The following GRID2 variants were observed in gnomAD, a reference collection of about 807,000 sequenced individuals.
GRID2 encodes glutamate ionotropic receptor delta type subunit 2.
In GRID2, 33 loss-of-function variants were observed where a neutral mutation model predicts 114.8. The observed-to-expected ratio is 0.29, with a 90% confidence interval of 0.22 to 0.38. The LOEUF (loss-of-function observed/expected upper bound fraction) is 0.38, where lower values mean the gene tolerates loss of function less well. Ranked by LOEUF, GRID2 falls within the 10% of genes least tolerant of loss-of-function variation. The pLI is 1.00. For missense variants in GRID2, 1,184 were observed against 1,257.7 expected (o/e 0.94, Z 0.89); for synonymous variants, 505 against 449.9 (o/e 1.12, Z -1.55).
chr4:92,862,315 A>C (rs1292946439), intron 2 of GRID2, among the ~76,000 whole-genome samples: 6 of 152,076 alleles, frequency 3.9e-5, no homozygotes, highest in Non-Finnish European at 1.5e-5. Flanking sequence ...GGCAATTATG[A>C]ATGAAATTCA....
intron 1 of GRID2, among the ~76,000 whole-genome samples, chr4:92,585,599 A>G (rs966725981): frequency 1.3e-5 from 2 of 151,996 alleles, no homozygotes; most frequent in Admixed American, 6.6e-5. Flanking sequence ...TAAGGTTGTT[A>G]TAGAATATGT....
intron 1 of GRID2, among the ~76,000 whole-genome samples, chr4:92,311,729 G>T (rs1257360354): frequency 1.3e-5 from 2 of 151,832 alleles, no homozygotes; most frequent in Non-Finnish European, 2.9e-5. Context: ...AAAGTATATG[G>T]TAATATAAGC....
chr4:93,494,365 G>A (rs1262898417), intron 12 of GRID2, among the ~76,000 whole-genome samples: 2 of 151,454 alleles, frequency 1.3e-5, no homozygotes, highest in African/African-American at 4.8e-5. Context: ...GTCAGTGAAG[G>A]GGAGAGAGAG....
chr4:92,908,898 A>G (rs1014095961), intron 2 of GRID2, among the ~76,000 whole-genome samples: 22 of 152,114 alleles, frequency 1.4e-4, no homozygotes, highest in Admixed American at 6.6e-5. Flanking sequence ...ATCTTCATCA[A>G]TTGTCTTCAA....
At chr4:93,478,849 G>A (rs1580197808) in intron 11 of GRID2, among the ~76,000 whole-genome samples, 1 of 151,924 alleles carries the variant, frequency 6.6e-6, no homozygotes, top group East Asian at 1.9e-4. Context: ...AAGTCTACAG[G>A]AAATTTTCAT....
intron 8 of GRID2, among the ~76,000 whole-genome samples, chr4:93,250,498 A>T (rs1748753610): frequency 1.3e-5 from 2 of 151,804 alleles, no homozygotes; most frequent in Admixed American, 6.6e-5. Flanking sequence ...GCATAAAAAA[A>T]ATAATAATTC....
intron 2 of GRID2, among the ~76,000 whole-genome samples, chr4:92,862,318 G>C (rs1357112262): frequency 6.6e-6 from 1 of 152,036 alleles, no homozygotes; most frequent in East Asian, 1.9e-4. Flanking sequence ...AATTATGAAT[G>C]AAATTCATTA....
intron 1 of GRID2, among the ~76,000 whole-genome samples, chr4:92,378,194 G>C (rs371632619): frequency 1.3e-5 from 2 of 151,520 alleles, no homozygotes; most frequent in Non-Finnish European, 2.9e-5. Flanking sequence ...AAATTTAAGG[G>C]GATTTTAAGT....
chr4:93,478,544 TATTA>T (rs1371931376), intron 11 of GRID2, among the ~76,000 whole-genome samples: 1 of 151,520 alleles, frequency 6.6e-6, no homozygotes, highest in Admixed American at 6.6e-5. Context: ...AAAAGAATTC[TATTA>T]ATTTTAATAG....
Position 93,615,211 on chromosome 4 carries a change from G to C in GRID2, c.2194-11058G>C, listed in dbSNP as rs539353537. 2.6e-5 allele frequency among the ~76,000 whole-genome samples: 4 copies of C among 152,246 alleles called. No homozygotes were observed. The East Asian group carries it at 7.7e-4, about 29-fold the overall frequency. The stretch of plus-strand genomic sequence containing the variant: ...CTCCAAAAAGATGTCCATACTCTTT[G>C]ATTCTACAAGCTTTCTTTTAAAGGC... On this transcript the variant is annotated intron_variant, in intron 13 of 15. Coordinates refer to ENST00000282020, the MANE Select transcript of GRID2 (RefSeq NM_001510.4).
At chr4:93,777,062 GT>G (rs1734384256), downstream of GRID2, among the ~76,000 whole-genome samples, 1 of 152,184 alleles carries the variant, frequency 6.6e-6, no homozygotes, top group African/African-American at 2.4e-5. Context: ...ACAGGATGCA[GT>G]GTGGCCCATA....
At chr4:93,378,642 G>C (rs2149304446) in intron 8 of GRID2, among the ~76,000 whole-genome samples, 1 of 152,190 alleles carries the variant, frequency 6.6e-6, no homozygotes. Context: ...AGGAACTAGA[G>C]ATACTTCTCA....
chr4:92,799,737 C>T (rs912586148), intron 2 of GRID2, among the ~76,000 whole-genome samples: 1 of 151,978 alleles, frequency 6.6e-6, no homozygotes. Flanking sequence ...AAGTCACATT[C>T]TAAAGTACTG....
At chr4:92,694,143 G>C (rs1275609693) in intron 2 of GRID2, among the ~76,000 whole-genome samples, 1 of 152,152 alleles carries the variant, frequency 6.6e-6, no homozygotes, top group East Asian at 1.9e-4. Context: ...GACAAAGCTA[G>C]ACTGAAGAAG....
intron 2 of GRID2, among the ~76,000 whole-genome samples, chr4:92,646,127 G>C (rs1235943501): frequency 3.5e-5 from 1 of 28,316 alleles, no homozygotes; most frequent in Non-Finnish European, 9.5e-5. Flanking sequence ...TTTCGTAATG[G>C]AACGTTTGGG....
intron 8 of GRID2, among the ~76,000 whole-genome samples, chr4:93,368,173 T>C (rs1397786286): frequency 6.6e-6 from 1 of 152,152 alleles, no homozygotes; most frequent in Admixed American, 6.6e-5. Context: ...AGCTACATTT[T>C]ATCCCAACCA....
At chr4:92,424,891 T>C (rs1732081935) in intron 1 of GRID2, among the ~76,000 whole-genome samples, 1 of 151,958 alleles carries the variant, frequency 6.6e-6, no homozygotes, top group Admixed American at 6.6e-5. Flanking sequence ...GAGCTAATAA[T>C]CATTATTAAG....
At position 93,598,358 on chromosome 4, in the gene GRID2, C is replaced by T. The variant is rs115571132; in HGVS notation, c.2194-27911C>T. On this transcript the variant is annotated intron_variant, in intron 13 of 15. Coordinates refer to ENST00000282020, the MANE Select transcript of GRID2 (RefSeq NM_001510.4). ...CTCTTTCTTTTCATTCTTTATCTCT[C>T]TTTCCCTCGTTCACTCATTCCTTCT... 5.7e-3 allele frequency among the ~76,000 whole-genome samples: 863 copies of T among 152,240 alleles called. 12 individuals are homozygous for T. Among genetic ancestry groups the T allele is most frequent in the African/African-American group, 0.019 (794 of 41,556 alleles).
intron 2 of GRID2, among the ~76,000 whole-genome samples, chr4:92,755,675 G>T (rs1028293604): frequency 1.3e-5 from 2 of 152,116 alleles, no homozygotes; most frequent in Non-Finnish European, 1.5e-5. Context: ...AGGCAGTATG[G>T]ATAAAACAGA....
Sources: gnomAD v4.1 joint callset for allele counts (sites outside exome capture counted in the v4.1 genomes callset) on GRCh38, gnomAD v4.1.1 for gene constraint, MANE v1.5 for transcripts, NCBI Gene and HGNC (gene_info 2026-07-23, HGNC 2026-07-21) for gene names.